The following WIPF3 variants were observed in gnomAD, a reference collection of about 807,000 sequenced individuals.
WIPF3 encodes WAS/WASL-interacting protein family member 3.
A neutral mutation model predicts 38.9 loss-of-function variants in WIPF3; 33 were observed. That is an observed-to-expected ratio of 0.85 (90% CI 0.64 to 1.14). WIPF3 has a LOEUF of 1.14. WIPF3 is among the 50% of genes most tolerant of loss of function. The pLI is 0.00. For synonymous variants in WIPF3, 324 were observed against 269.3 expected, an observed-to-expected ratio of 1.20 and a Z score of -1.99; for missense variants, 711 against 652.5, an observed-to-expected ratio of 1.09 and a Z score of -0.98.
intron 1 of WIPF3, among the ~76,000 whole-genome samples, chr7:29,831,607 A>G (rs989037941): frequency 1.3e-5 from 2 of 152,238 alleles, no homozygotes; most frequent in African/African-American, 4.8e-5. Context: ...TAGTGGATAA[A>G]ACAAATTAAC....
In WIPF3 at chr7:29,884,252, C is replaced by T. The variant is rs1161198583; in HGVS notation, c.758C>T (p.Ala253Val). Residue 253 changes from alanine (A) to valine (V), a missense_variant, in exon 5 of 9, where the codon GCT becomes GTT. Ala to Val is a moderately conservative substitution (Grantham distance 64). Transcript: ENST00000242140. ...LSDKAVKPQL[A>V]PLHLPPIPPP... ...GACAAGGCAGTGAAGCCTCAGCTGG[C>T]TCCCTTGCACCTCCCGCCCATCCCG... 2.6e-6 allele frequency: 4 copies of T among 1,535,428 alleles called. No homozygotes were observed. Among genetic ancestry groups the T allele is most frequent in the Middle Eastern group, 4.0e-4 (2 of 5,004 alleles).
chr7:29,853,204 C>T (rs1217834918), intron 2 of WIPF3, among the ~76,000 whole-genome samples: 3 of 152,204 alleles, frequency 2.0e-5, no homozygotes, highest in African/African-American at 7.2e-5. Context: ...TCAAGTCGTT[C>T]CACCAACTCT....
chr7:29,818,727 G>A (rs1490914286), intron 1 of WIPF3, among the ~76,000 whole-genome samples: 1 of 151,950 alleles, frequency 6.6e-6, no homozygotes, highest in Non-Finnish European at 1.5e-5. Flanking sequence ...ACTACTAGCT[G>A]TAGGATAATG....
chr7:29,887,582 G>T (rs1383598920), intron 5 of WIPF3, among the ~76,000 whole-genome samples: 1 of 152,188 alleles, frequency 6.6e-6, no homozygotes, highest in East Asian at 1.9e-4. Flanking sequence ...ACCAGTGTGA[G>T]CAGGGACACA....
At chr7:29,853,390 C>T (rs1741416867) in intron 2 of WIPF3, among the ~76,000 whole-genome samples, 1 of 152,218 alleles carries the variant, frequency 6.6e-6, no homozygotes, top group Non-Finnish European at 1.5e-5. Flanking sequence ...CTGTGCTTCT[C>T]ACAGGGACAG....
At chr7:29,862,760 T>C (rs972138652) in intron 2 of WIPF3, among the ~76,000 whole-genome samples, 1 of 152,238 alleles carries the variant, frequency 6.6e-6, no homozygotes. Flanking sequence ...ACATCATCTG[T>C]TGACTTGCTA....
intron 8 of WIPF3, among the ~76,000 whole-genome samples, chr7:29,909,540 T>C (rs1786464359): frequency 6.6e-6 from 1 of 152,166 alleles, no homozygotes; most frequent in South Asian, 2.1e-4. Flanking sequence ...AAAAGTTGGA[T>C]GACCTAGATG....
chr7:29,831,543 A>G (rs1246321732), intron 1 of WIPF3, among the ~76,000 whole-genome samples: 1 of 152,274 alleles, frequency 6.6e-6, no homozygotes, highest in Non-Finnish European at 1.5e-5. Flanking sequence ...ACTATAGTGA[A>G]TAATGAGAAT....
intron 7 of WIPF3, among the ~76,000 whole-genome samples, chr7:29,889,927 T>G (rs561440704): frequency 1.3e-5 from 2 of 152,208 alleles, no homozygotes; most frequent in Non-Finnish European, 2.9e-5. Flanking sequence ...GTGTCAGGAT[T>G]TTTAAAAGCT....
intron 8 of WIPF3, among the ~76,000 whole-genome samples, chr7:29,910,804 G>A (rs532716379): frequency 2.0e-5 from 3 of 152,192 alleles, no homozygotes; most frequent in Admixed American, 1.3e-4. Flanking sequence ...AAAATCTACA[G>A]TGAACATGCC....
intron 2 of WIPF3, among the ~76,000 whole-genome samples, chr7:29,845,217 C>T (rs1318509125): frequency 1.3e-5 from 2 of 152,174 alleles, no homozygotes; most frequent in East Asian, 1.9e-4. Flanking sequence ...CAAAGGAACT[C>T]GGTTTTGTTT....
intron 1 of WIPF3, among the ~76,000 whole-genome samples, chr7:29,829,030 T>G (rs1784673572): frequency 6.6e-6 from 1 of 151,858 alleles, no homozygotes. Context: ...CTTCCAAATC[T>G]CTGATTATTT....
Position 29,884,028 on chromosome 7 carries a change from C to T in WIPF3, c.534C>T (p.Thr178=), listed in dbSNP as rs1334929432. ...RPNVPAPPPP[T]PPPPPPPLPP... The stretch of plus-strand genomic sequence containing the variant: ...ACGTGCCTGCCCCGCCCCCTCCCAC[C>T]CCACCCCCTCCGCCTCCACCCTTAC... Residue 178 remains threonine (T), a synonymous_variant, in exon 5 of 9, where the codon ACC becomes ACT. Transcript: ENST00000242140. The T allele has an allele frequency of 2.8e-6, 4 of 1,422,284 alleles. No homozygotes were observed. The highest frequency in any genetic ancestry group is 2.3e-5 in the Admixed American group (1 of 43,112). 88.1% of individuals were successfully genotyped at this position (1,422,284 alleles called of 1,614,324 possible).
intron 1 of WIPF3, among the ~76,000 whole-genome samples, chr7:29,829,985 A>T (rs1004365590): frequency 6.6e-6 from 1 of 152,200 alleles, no homozygotes; most frequent in Non-Finnish European, 1.5e-5. Context: ...GGGTTGAGAG[A>T]ACACAAAGCC....
intron 7 of WIPF3, among the ~76,000 whole-genome samples, chr7:29,901,846 A>G (rs755335805): frequency 7.0e-5 from 3 of 43,082 alleles, no homozygotes; most frequent in African/African-American, 1.2e-4. Flanking sequence ...AAAAAAAAAA[A>G]AAAGAAAGAA....
At chr7:29,914,418 G>A in intron 8 of WIPF3, 75 bp from the exon 9 acceptor site, 1 of 1,227,808 alleles carries the variant, frequency 8.1e-7, no homozygotes, top group South Asian at 2.0e-5. Context: ...CCTGTTTGGG[G>A]GGGTGGAGGA....
intron 1 of WIPF3, among the ~76,000 whole-genome samples, chr7:29,824,911 A>AAG (rs1784592857): frequency 6.6e-6 from 1 of 152,194 alleles, no homozygotes; most frequent in Admixed American, 6.5e-5. Flanking sequence ...CAGTAGGAAT[A>AAG]AGGTTAAAGC....
intron 2 of WIPF3, among the ~76,000 whole-genome samples, chr7:29,859,697 G>T (rs924866495): frequency 1.3e-5 from 2 of 152,134 alleles, no homozygotes; most frequent in Non-Finnish European, 2.9e-5. Flanking sequence ...CGGGAGGTCT[G>T]AGCCAGTTTC....
At chr7:29,818,364 A>G (rs1341839430) in intron 1 of WIPF3, among the ~76,000 whole-genome samples, 1 of 152,028 alleles carries the variant, frequency 6.6e-6, no homozygotes, top group Non-Finnish European at 1.5e-5. Context: ...GAAGTAGGCG[A>G]ATCGCTTGAA....
Sources: gnomAD v4.1 joint callset for allele counts (sites outside exome capture counted in the v4.1 genomes callset) on GRCh38, gnomAD v4.1.1 for gene constraint, MANE v1.5 for transcripts, NCBI Gene and HGNC (gene_info 2026-07-23, HGNC 2026-07-21) for gene names.